The following PCDH9 variants were observed in gnomAD, a reference collection of about 807,000 sequenced individuals.
PCDH9 encodes the protein protocadherin 9, also known as protocadherin-9.
A neutral mutation model predicts 70.6 loss-of-function variants in PCDH9; 24 were observed. The ratio of observed to expected loss-of-function variants is 0.34; its 90% CI spans 0.25 to 0.48. The LOEUF is 0.48. Ranked by LOEUF, PCDH9 falls within the 20% of genes least tolerant of loss-of-function variation. PCDH9 has a pLI of 0.99. For synonymous variants in PCDH9, 562 were observed against 558.5 expected, an observed-to-expected ratio of 1.01 and a Z score of -0.09; for missense variants, 1,281 against 1,503.6, an observed-to-expected ratio of 0.85 and a Z score of 2.45.
At chr13:66,368,966 C>G (rs972059926) in intron 4 of PCDH9, among the ~76,000 whole-genome samples, 2 of 152,102 alleles carry the variant, frequency 1.3e-5, no homozygotes, top group Admixed American at 6.6e-5. Context: ...CCGGGTTCCT[C>G]CTACAACACA....
intron 3 of PCDH9, among the ~76,000 whole-genome samples, chr13:66,635,686 A>G (rs926464365): frequency 4.6e-5 from 7 of 152,164 alleles, no homozygotes; most frequent in Non-Finnish European, 8.8e-5. Context: ...TGAGTCACCT[A>G]AGAAATCCCA....
chr13:66,369,560 C>A (rs1364714486), intron 4 of PCDH9, among the ~76,000 whole-genome samples: 1 of 152,032 alleles, frequency 6.6e-6, no homozygotes, highest in Non-Finnish European at 1.5e-5. Context: ...TAACACACTA[C>A]CTCAGCAAGT....
intron 3 of PCDH9, among the ~76,000 whole-genome samples, chr13:66,654,705 CTGTTTGTT>C (rs143186257): frequency 4.0e-5 from 6 of 151,800 alleles, no homozygotes; most frequent in African/African-American, 1.5e-4. Context: ...TTGTTGTTGT[CTGTTTGTT>C]TGTTTGTTTG....
intron 4 of PCDH9, among the ~76,000 whole-genome samples, chr13:66,346,452 T>C (rs888667574): frequency 1.3e-5 from 2 of 152,122 alleles, no homozygotes; most frequent in African/African-American, 4.8e-5. Flanking sequence ...TAACTAACCT[T>C]TTAGGATACA....
intron 2 of PCDH9, among the ~76,000 whole-genome samples, chr13:66,913,709 G>C (rs890559364): frequency 5.9e-5 from 9 of 151,934 alleles, no homozygotes; most frequent in Non-Finnish European, 1.2e-4. Flanking sequence ...TCTAACTTTA[G>C]ACTTCTATAA....
intron 3 of PCDH9, among the ~76,000 whole-genome samples, chr13:66,811,613 GCCT>G (rs1299687460): frequency 3.3e-5 from 4 of 120,488 alleles, no homozygotes; most frequent in African/African-American, 1.4e-4. Context: ...CTGTCTGCCT[GCCT>G]AACCTGCCTT....
intron 3 of PCDH9, among the ~76,000 whole-genome samples, chr13:66,902,454 C>T (rs1395825887): frequency 6.6e-6 from 1 of 151,222 alleles, no homozygotes; most frequent in Admixed American, 6.6e-5. Context: ...TAATAGATTC[C>T]TTTAGATGGC....
At chr13:67,002,544 TA>T (rs2084265970) in intron 2 of PCDH9, among the ~76,000 whole-genome samples, 1 of 151,766 alleles carries the variant, frequency 6.6e-6, no homozygotes, top group Non-Finnish European at 1.5e-5. Context: ...ATTAAATATT[TA>T]CATTTCTCAT....
Position 66,647,441 on chromosome 13 carries a change from C to T in PCDH9, c.3139-16030G>A, listed in dbSNP as rs1593833823. Among the ~76,000 whole-genome samples the T allele has an allele frequency of 2.0e-5, 3 of 152,278 alleles. No individual in the cohort carries two copies. The South Asian group carries it at 6.2e-4, about 32-fold the overall frequency. On this transcript the variant is annotated intron_variant, in intron 3 of 4. Transcript: ENST00000377865. ...CCCAGATGACATTTCTAGATACTCC[C>T]TGGGCCAAAAGGAAAACTGCTGTCT...
At chr13:66,965,816 T>C (rs1019497642) in intron 2 of PCDH9, among the ~76,000 whole-genome samples, 3 of 151,998 alleles carry the variant, frequency 2.0e-5, no homozygotes, top group African/African-American at 7.2e-5. Context: ...GCTATAGTAA[T>C]TGCATTGAAC....
intron 4 of PCDH9, among the ~76,000 whole-genome samples, chr13:66,589,478 T>C (rs1263714509): frequency 6.6e-6 from 1 of 152,074 alleles, no homozygotes; most frequent in Non-Finnish European, 1.5e-5. Flanking sequence ...TACACAATTA[T>C]TGTGGATCAG....
At chr13:66,844,519 A>G (rs2081171710) in intron 3 of PCDH9, among the ~76,000 whole-genome samples, 1 of 150,128 alleles carries the variant, frequency 6.7e-6, no homozygotes, top group South Asian at 2.1e-4. Context: ...TGGGAGGTGG[A>G]GGTTGCAGTG....
chr13:67,059,401 G>T (rs1432114637), intron 2 of PCDH9, among the ~76,000 whole-genome samples: 7 of 145,646 alleles, frequency 4.8e-5, no homozygotes, highest in African/African-American at 1.5e-4. Context: ...AGTATATATA[G>T]TGTATATATA....
chr13:66,325,354 G>T (rs1233279120), intron 4 of PCDH9, among the ~76,000 whole-genome samples: 1 of 152,038 alleles, frequency 6.6e-6, no homozygotes, highest in Non-Finnish European at 1.5e-5. Flanking sequence ...CCAGCTCCAT[G>T]AATTAAGGTT....
intron 4 of PCDH9, among the ~76,000 whole-genome samples, chr13:66,513,798 T>C (rs963577304): frequency 4.0e-5 from 6 of 151,600 alleles, no homozygotes; most frequent in Non-Finnish European, 8.8e-5. Context: ...TCCTCAAAGG[T>C]CCAGCATTCG....
intron 4 of PCDH9, among the ~76,000 whole-genome samples, chr13:66,386,414 T>A (rs1406029088): frequency 2.0e-5 from 3 of 152,298 alleles, no homozygotes; most frequent in Non-Finnish European, 4.4e-5. Context: ...TGAACATGAC[T>A]TTTTTGGATG....
At chr13:67,070,636 A>G (rs1044166989) in intron 2 of PCDH9, among the ~76,000 whole-genome samples, 25 of 152,182 alleles carry the variant, frequency 1.6e-4, no homozygotes, top group African/African-American at 6.0e-4. Context: ...CCACTGATTA[A>G]ATTATACAGA....
chr13:67,064,735 T>C (rs1483949469), intron 2 of PCDH9, among the ~76,000 whole-genome samples: 1 of 152,146 alleles, frequency 6.6e-6, no homozygotes, highest in Non-Finnish European at 1.5e-5. Flanking sequence ...TCCCAAAAGA[T>C]GGAATTTGTT....
chr13:66,730,441 T>G (rs1051091201), intron 3 of PCDH9, among the ~76,000 whole-genome samples: 1 of 152,162 alleles, frequency 6.6e-6, no homozygotes, highest in African/African-American at 2.4e-5. Flanking sequence ...AGTTTGCATA[T>G]CTCAGCTCTA....
Sources: gnomAD v4.1 joint callset for allele counts (sites outside exome capture counted in the v4.1 genomes callset) on GRCh38, gnomAD v4.1.1 for gene constraint, MANE v1.5 for transcripts, NCBI Gene and HGNC (gene_info 2026-07-23, HGNC 2026-07-21) for gene names.